CRPPA: variants seen among roughly 807,000 people sequenced by gnomAD.
CRPPA encodes CDP-L-ribitol pyrophosphorylase A, also known as D-ribitol-5-phosphate cytidylyltransferase.
CRPPA carries 43 observed loss-of-function variants against 52.0 expected under a neutral mutation model. The ratio of observed to expected loss-of-function variants is 0.83; its 90% CI spans 0.65 to 1.07. The LOEUF (loss-of-function observed/expected upper bound fraction) is 1.07. Ranked by LOEUF, CRPPA falls within the 50% of genes least tolerant of loss-of-function variation. The pLI, the probability that CRPPA is intolerant of heterozygous loss-of-function variation, is 0.00. For synonymous variants in CRPPA, 250 were observed against 203.5 expected, an observed-to-expected ratio of 1.23 and a Z score of -1.94; for missense variants, 629 against 551.7, an observed-to-expected ratio of 1.14 and a Z score of -1.40.
intron 8 of CRPPA, among the ~76,000 whole-genome samples, chr7:16,218,108 C>T (rs1195323707): frequency 6.6e-6 from 1 of 152,172 alleles, no homozygotes; most frequent in African/African-American, 2.4e-5. Flanking sequence ...AGAAACCCTA[C>T]AAGCCAGAAG....
At chr7:16,288,335 A>T (rs1170490039) in intron 5 of CRPPA, among the ~76,000 whole-genome samples, 1 of 152,138 alleles carries the variant, frequency 6.6e-6, no homozygotes, top group Admixed American at 6.5e-5. Context: ...GCCAGTAACA[A>T]CTATCAATTA....
intron 9 of CRPPA, among the ~76,000 whole-genome samples, chr7:16,152,712 T>C (rs1783101513): frequency 6.6e-6 from 1 of 152,016 alleles, no homozygotes; most frequent in African/African-American, 2.4e-5. Context: ...AGGGTCTTGG[T>C]TTAAAGTTAT....
intron 8 of CRPPA, among the ~76,000 whole-genome samples, chr7:16,240,565 T>TTACACA (rs1461822832): frequency 1.1e-5 from 1 of 94,512 alleles, no homozygotes; most frequent in African/African-American, 4.3e-5. Context: ...TCATTGGTTA[T>TTACACA]TACACATACA....
intron 9 of CRPPA, among the ~76,000 whole-genome samples, chr7:16,139,473 T>G (rs926232378): frequency 6.6e-6 from 1 of 152,138 alleles, no homozygotes; most frequent in Non-Finnish European, 1.5e-5. Flanking sequence ...AAAGGTAAAT[T>G]TAAAACTTTA....
intron 3 of CRPPA, among the ~76,000 whole-genome samples, chr7:16,335,021 C>A (rs1785643090): frequency 6.6e-6 from 1 of 151,800 alleles, no homozygotes; most frequent in Middle Eastern, 3.4e-3. Context: ...TCAGAATAAT[C>A]CTCTTAAAGA....
At chr7:16,398,586 G>C (rs530509583) in intron 2 of CRPPA, among the ~76,000 whole-genome samples, 1 of 152,240 alleles carries the variant, frequency 6.6e-6, no homozygotes, top group African/African-American at 2.4e-5. Context: ...TGTGGCACGT[G>C]ACTGACGTTG....
chr7:16,411,969 T>C (rs185115982), intron 1 of CRPPA, among the ~76,000 whole-genome samples: 137 of 152,316 alleles, frequency 9.0e-4, no homozygotes, highest in African/African-American at 3.1e-3. Context: ...TGTTAAAATA[T>C]GATGAAGAAT....
rs76940157 is a variant in CRPPA at position 16,244,787 on chromosome 7, A to G, written c.1119+13603T>C. On this transcript the variant is annotated intron_variant, in intron 8 of 9. Transcript: ENST00000407010. ...GAAATTGGAACTTGAAGACCCTTGT[A>G]TAAGAAAAAGAACCGTTGTAAACCA... 7.2e-5 allele frequency among the ~76,000 whole-genome samples: 11 copies of G among 152,320 alleles called. No individual in the cohort carries two copies. The South Asian group carries it at 1.2e-3, about 17-fold the overall frequency.
intron 5 of CRPPA, among the ~76,000 whole-genome samples, chr7:16,291,906 C>T (rs993468132): frequency 3.5e-4 from 53 of 151,874 alleles, no homozygotes; most frequent in Non-Finnish European, 5.5e-4. Flanking sequence ...ATTATTTTCT[C>T]CTTACTTCTG....
intron 3 of CRPPA, among the ~76,000 whole-genome samples, chr7:16,353,903 G>T (rs1419744355): frequency 1.3e-5 from 2 of 151,942 alleles, no homozygotes. Flanking sequence ...AATAATTCAG[G>T]TGATGGGTAT....
intron 2 of CRPPA, among the ~76,000 whole-genome samples, chr7:16,405,183 T>A (rs920063185): frequency 6.6e-6 from 1 of 152,110 alleles, no homozygotes; most frequent in Non-Finnish European, 1.5e-5. Context: ...GAGGAAACTA[T>A]TACATAGATG....
intron 5 of CRPPA, among the ~76,000 whole-genome samples, chr7:16,300,918 T>A (rs1349562110): frequency 6.6e-6 from 1 of 152,230 alleles, no homozygotes. Flanking sequence ...AAAAGAGTTA[T>A]CACACATATG....
chr7:16,345,411 G>A (rs1785987003), intron 3 of CRPPA, among the ~76,000 whole-genome samples: 2 of 151,978 alleles, frequency 1.3e-5, no homozygotes, highest in African/African-American at 2.4e-5. Context: ...TACATAAAGA[G>A]GACCAGTAAA....
intron 9 of CRPPA, among the ~76,000 whole-genome samples, chr7:16,126,839 G>A (rs1782590385): frequency 6.6e-6 from 1 of 152,072 alleles, no homozygotes; most frequent in Admixed American, 6.5e-5. Flanking sequence ...ATGAATGAAA[G>A]GAACATCAGA....
intron 4 of CRPPA, among the ~76,000 whole-genome samples, chr7:16,306,989 T>C (rs1407258416): frequency 6.6e-6 from 1 of 152,172 alleles, no homozygotes; most frequent in Non-Finnish European, 1.5e-5. Context: ...GTATTTAAGA[T>C]TATCCTGAGA....
intron 4 of CRPPA, among the ~76,000 whole-genome samples, chr7:16,302,811 T>A (rs2128423329): frequency 6.6e-6 from 1 of 151,694 alleles, no homozygotes; most frequent in East Asian, 1.9e-4. Flanking sequence ...GGATTGAAGT[T>A]CTTTCTCATC....
At chr7:16,420,495 G>C (rs1788300266) in intron 1 of CRPPA, among the ~76,000 whole-genome samples, 1 of 152,104 alleles carries the variant, frequency 6.6e-6, no homozygotes, top group Non-Finnish European at 1.5e-5. Flanking sequence ...CCCTTTCTAA[G>C]ATAAAGGGGG....
chr7:16,257,028 GAACT>G lies in CRPPA; in HGVS notation c.1119+1358_1119+1361del, dbSNP rs1479706979. Reference sequence around the variant, plus strand: ...AAAAAGAGGACCATACTATTAAACAGAACTAACTTCACATGCCTGATCAGGGCCT... The same window carrying G: ...AAAAAGAGGACCATACTATTAAACAGAACTTCACATGCCTGATCAGGGCCT... On this transcript the variant is annotated intron_variant, in intron 8 of 9. Transcript: ENST00000407010. Among the ~76,000 whole-genome samples, 4 of 152,158 alleles carry G rather than the reference GAACT, an allele frequency of 2.6e-5. No homozygotes were observed. In the East Asian group the frequency reaches 7.7e-4, roughly 29 times the overall value.
intron 3 of CRPPA, among the ~76,000 whole-genome samples, chr7:16,374,740 C>T (rs1786836482): frequency 6.6e-6 from 1 of 152,096 alleles, no homozygotes; most frequent in South Asian, 2.1e-4. Context: ...AGGTCCCATC[C>T]ACTCTCACTT....
Sources: allele counts gnomAD v4.1 joint callset (sites outside exome capture counted in the v4.1 genomes callset), GRCh38; gene constraint gnomAD v4.1.1; transcripts MANE v1.5; gene names NCBI Gene and HGNC (gene_info 2026-07-23, HGNC 2026-07-21).